Variants in GTF2H1 observed in about 807,000 individuals in gnomAD.
The protein encoded by GTF2H1 is BTF2 p62.
Under a neutral mutation model 71.2 loss-of-function variants are expected in GTF2H1, and 16 were observed. The ratio of observed to expected loss-of-function variants is 0.22; its 90% confidence interval spans 0.15 to 0.34. The LOEUF (loss-of-function observed/expected upper bound fraction) is 0.34. GTF2H1 is among the 10% of genes least tolerant of loss of function. GTF2H1 has a pLI of 1.00. For synonymous variants in GTF2H1, 215 were observed against 219.0 expected (o/e 0.98, Z 0.16); for missense variants, 498 against 648.2 (o/e 0.77, Z 2.52).
chr11:18,361,618 G>A (rs1255046269), intron 14 of GTF2H1, among the ~76,000 whole-genome samples: 5 of 152,172 alleles, frequency 3.3e-5, no homozygotes, highest in South Asian at 2.1e-4. Context: ...GCGGTGAGCC[G>A]AGGTCATGCC....
chr11:18,324,976 T>A (rs1864726530), intron 1 of GTF2H1, among the ~76,000 whole-genome samples: 1 of 152,232 alleles, frequency 6.6e-6, no homozygotes, highest in South Asian at 2.1e-4. Context: ...CTTAAAACAG[T>A]ACATTTTGGT....
chr11:18,353,022 T>G (rs1362088348), intron 11 of GTF2H1, among the ~76,000 whole-genome samples: 1 of 152,204 alleles, frequency 6.6e-6, no homozygotes, highest in Admixed American at 6.5e-5. Context: ...GGTCAGAAGT[T>G]CGAGACCAGC....
chr11:18,347,567 T>G, intron 7 of GTF2H1, 21 bp from the exon 8 acceptor site: 3 of 1,529,550 alleles, frequency 2.0e-6, no homozygotes, highest in East Asian at 2.3e-5. Context: ...TAAAAAATTT[T>G]TAATCTATTA....
At chr11:18,342,231 A>C (rs1455539924) in intron 7 of GTF2H1, among the ~76,000 whole-genome samples, 1 of 68,844 alleles carries the variant, frequency 1.5e-5, no homozygotes, top group South Asian at 4.5e-4. Flanking sequence ...TCTTGCTCTT[A>C]TTTTTCTTCT....
rs945734691 is a variant in GTF2H1, at chr11:18,347,342, TC to T, written c.838-244del. The T allele has an allele frequency of 6.0e-5, 19 of 315,706 alleles. No homozygotes were observed. In the Admixed American group the frequency reaches 6.9e-4, roughly 11 times the overall value. 19.6% of individuals were successfully genotyped at this position (315,706 alleles called of 1,614,324 possible). ...TCCAGCCTGAGCAACAGAGCGGGAC[TC>T]CATCTCAAAAACAGAGAGAAATTCA... On this transcript the variant is annotated intron_variant, in intron 7 of 14. Coordinates refer to ENST00000265963, the MANE Select transcript of GTF2H1 (RefSeq NM_005316.4).
intron 14 of GTF2H1, among the ~76,000 whole-genome samples, chr11:18,364,168 A>G (rs1255362401): frequency 6.6e-6 from 1 of 152,192 alleles, no homozygotes; most frequent in African/African-American, 2.4e-5. Context: ...ACTGCTGCCC[A>G]TCAAACAGAA....
At chr11:18,338,899 C>T (rs1865094166) in intron 4 of GTF2H1, among the ~76,000 whole-genome samples, 1 of 151,998 alleles carries the variant, frequency 6.6e-6, no homozygotes, top group African/African-American at 2.4e-5. Context: ...TGGACTAATA[C>T]TTACTTTTTC....
chr11:18,364,232 G>T (rs928797503), intron 14 of GTF2H1, among the ~76,000 whole-genome samples: 1 of 152,094 alleles, frequency 6.6e-6, no homozygotes, highest in Non-Finnish European at 1.5e-5. Context: ...CCCCCATAAT[G>T]ATAAACAGGT....
At position 18,347,839 on chromosome 11, in the gene GTF2H1, C is replaced by G; in HGVS notation, c.973C>G (p.Gln325Glu). The G allele has an allele frequency of 6.2e-7, 1 of 1,603,542 alleles. No homozygotes were observed. Among genetic ancestry groups the G allele is most frequent in the Non-Finnish European group, 8.5e-7 (1 of 1,175,936 alleles). Residue 325 changes from glutamine (Q) to glutamate (E), a missense_variant, in exon 9 of 15, where the codon CAA becomes GAA. Gln to Glu is a conservative substitution (Grantham distance 29). Coordinates refer to ENST00000265963, the MANE Select transcript of GTF2H1 (RefSeq NM_005316.4). ...TTTCCCCTTTATTTTAAGAGAAGCA[C>G]AAAATGAACAAACTAGTGAGCCCAG... ...LAAGLRKQEA[Q>E]NEQTSEPSNM...
chr11:18,326,521 C>A (rs1264286147), intron 1 of GTF2H1, among the ~76,000 whole-genome samples: 16 of 147,896 alleles, frequency 1.1e-4, no homozygotes, highest in African/African-American at 1.2e-4. Context: ...GACTCCTTCT[C>A]AAAAAAAAAA....
intron 7 of GTF2H1, chr11:18,342,076 A>G (rs1045463121): frequency 1.3e-5 from 2 of 153,886 alleles, no homozygotes; most frequent in African/African-American, 4.8e-5. Flanking sequence ...CTACCTCAGC[A>G]TCATGACCCC....
chr11:18,338,098 C>T lies in GTF2H1; in HGVS notation c.348-11C>T, dbSNP rs1393355962. The T allele has an allele frequency of 1.3e-6, 2 of 1,592,784 alleles. No individual in the cohort carries two copies. Among genetic ancestry groups the T allele is most frequent in the African/African-American group, 1.3e-5 (1 of 74,674 alleles). ...GAAGTTCAGTTATATTCAGTATATTCTGCTTTACAGAATGCTGCAAGAAGA... is the reference window on the plus strand; with the variant it reads ...GAAGTTCAGTTATATTCAGTATATTTTGCTTTACAGAATGCTGCAAGAAGA... On this transcript the variant is annotated splice_polypyrimidine_tract_variant and intron_variant, in intron 3 of 14. Coordinates refer to ENST00000265963, the MANE Select transcript of GTF2H1 (RefSeq NM_005316.4).
At chr11:18,361,244 A>C (rs1199726940) in intron 14 of GTF2H1, among the ~76,000 whole-genome samples, 4 of 152,258 alleles carry the variant, frequency 2.6e-5, no homozygotes, top group African/African-American at 9.6e-5. Context: ...AATTAGTAGA[A>C]TGTTGCCATA....
chr11:18,327,434 A>T (rs924071152), intron 1 of GTF2H1, among the ~76,000 whole-genome samples: 2 of 152,338 alleles, frequency 1.3e-5, no homozygotes, highest in African/African-American at 4.8e-5. Flanking sequence ...ATTCAAACCC[A>T]GTTCTGCTAC....
In GTF2H1 at chr11:18,338,278, T is replaced by A. The variant is rs757237163; in HGVS notation, c.513+4T>A. 1.3e-6 allele frequency: 2 copies of A among 1,593,410 alleles called. No individual in the cohort carries two copies. Among genetic ancestry groups the A allele is most frequent in the East Asian group, 2.2e-5 (1 of 44,788 alleles). On this transcript the variant is annotated splice_donor_region_variant and intron_variant, in intron 4 of 14. Transcript: ENST00000265963. Reference sequence around the variant, plus strand: ...TGGCATTTCTGCTGCATTTCTGGTATGTGAGCCTTCTAGATTTCTGAAGAA... The same window carrying A: ...TGGCATTTCTGCTGCATTTCTGGTAAGTGAGCCTTCTAGATTTCTGAAGAA...
chr11:18,334,207 A>G (rs954553777), intron 2 of GTF2H1, among the ~76,000 whole-genome samples: 2 of 152,076 alleles, frequency 1.3e-5, no homozygotes, highest in East Asian at 1.9e-4. Context: ...ATGAAACCCC[A>G]TCTCTACTAA....
intron 11 of GTF2H1, among the ~76,000 whole-genome samples, chr11:18,355,490 A>AATAT (rs10694247): frequency 0.027 from 4,080 of 151,288 alleles, 175 homozygotes; most frequent in African/African-American, 0.091. Flanking sequence ...CAGTAAAATA[A>AATAT]ATAAATAAAT....
Position 18,358,004 on chromosome 11 carries a change from G to A in GTF2H1, c.1313G>A (p.Gly438Glu). 1.2e-6 allele frequency: 2 copies of A among 1,613,098 alleles called. No individual in the cohort carries two copies. Among genetic ancestry groups the A allele is most frequent in the Non-Finnish European group, 1.7e-6 (2 of 1,179,196 alleles). Residue 438 changes from glycine to glutamate, a missense_variant, in exon 12 of 15, where the codon GGG (glycine) becomes GAG (glutamate). Around this residue, in one of 3 missense-constraint regions of GTF2H1, gnomAD observed 266 missense variants for 301.6 expected, o/e 0.88. Transcript: ENST00000265963. Reference protein sequence around the residue: ...SSTITALSPGGALMQGGTQQA... With the variant: ...SSTITALSPGEALMQGGTQQA... The stretch of plus-strand genomic sequence containing the variant: ...ACCATCACAGCACTGTCACCTGGAG[G>A]GGCACTTATGCAGGGAGGAACACAG...
chr11:18,336,252 G>A (rs1350404366), intron 3 of GTF2H1, among the ~76,000 whole-genome samples: 1 of 151,576 alleles, frequency 6.6e-6, no homozygotes, highest in Admixed American at 6.6e-5. Context: ...TCAGCCTCCC[G>A]AGTAGCTGGG....
Sources: allele counts gnomAD v4.1 joint callset (sites outside exome capture counted in the v4.1 genomes callset), GRCh38; gene constraint gnomAD v4.1.1; regional missense constraint gnomAD v4.1.1; transcripts MANE v1.5; gene names NCBI Gene and HGNC (gene_info 2026-07-23, HGNC 2026-07-21).